The following CSGALNACT1 variants were observed in gnomAD, a reference collection of about 807,000 sequenced individuals.
CSGALNACT1 encodes the protein beta4GalNAcT-1.
Under a neutral mutation model 51.0 loss-of-function variants are expected in CSGALNACT1, and 52 were observed. The ratio of observed to expected loss-of-function variants is 1.02; its 90% confidence interval spans 0.82 to 1.29. CSGALNACT1 has a LOEUF of 1.29. CSGALNACT1 is among the 50% of genes most tolerant of loss of function. The pLI is 0.00. For missense variants in CSGALNACT1, 935 were observed against 679.2 expected (o/e 1.38, Z -4.19); for synonymous variants, 341 against 254.4 (o/e 1.34, Z -3.24).
At chr8:19,697,616 C>A (rs890099339) in intron 1 of CSGALNACT1, among the ~76,000 whole-genome samples, 1 of 152,076 alleles carries the variant, frequency 6.6e-6, no homozygotes. Context: ...GAGTGAGTAG[C>A]CCAGAGCCCC....
At chr8:19,717,527 G>T (rs1415320211) in intron 1 of CSGALNACT1, among the ~76,000 whole-genome samples, 1 of 152,212 alleles carries the variant, frequency 6.6e-6, no homozygotes, top group Non-Finnish European at 1.5e-5. Flanking sequence ...AATGAGTCAT[G>T]TATCTACCAC....
chr8:19,482,886 C>T (rs970445940), intron 4 of CSGALNACT1, among the ~76,000 whole-genome samples: 3 of 152,150 alleles, frequency 2.0e-5, no homozygotes, highest in African/African-American at 7.2e-5. Context: ...AAAGTCACCC[C>T]TACAACTAAG....
intron 1 of CSGALNACT1, among the ~76,000 whole-genome samples, chr8:19,667,409 C>A (rs1488688194): frequency 6.6e-6 from 1 of 152,176 alleles, no homozygotes; most frequent in East Asian, 1.9e-4. Flanking sequence ...GCACTCCAGC[C>A]TGAGCAATAG....
At chr8:19,654,253 A>T (rs2058072545) in intron 1 of CSGALNACT1, among the ~76,000 whole-genome samples, 1 of 152,152 alleles carries the variant, frequency 6.6e-6, no homozygotes, top group Admixed American at 6.5e-5. Flanking sequence ...ATGCTCAATC[A>T]CTTTCTTACA....
At chr8:19,408,959 C>T (rs1199804531) in intron 8 of CSGALNACT1, among the ~76,000 whole-genome samples, 1 of 151,654 alleles carries the variant, frequency 6.6e-6, no homozygotes, top group Admixed American at 6.6e-5. Flanking sequence ...AACACACACA[C>T]ACACACACAC....
chr8:19,717,689 A>C (rs750171269), intron 1 of CSGALNACT1, among the ~76,000 whole-genome samples: 7 of 152,114 alleles, frequency 4.6e-5, no homozygotes, highest in Non-Finnish European at 1.0e-4. Flanking sequence ...CCTGAATGGG[A>C]CTCAGTTTAA....
chr8:19,755,283 A>T (rs2065283247), intron 1 of CSGALNACT1, among the ~76,000 whole-genome samples: 1 of 152,060 alleles, frequency 6.6e-6, no homozygotes, highest in African/African-American at 2.4e-5. Context: ...TATTGCCCCA[A>T]AGTTTCAACT....
intron 6 of CSGALNACT1, among the ~76,000 whole-genome samples, chr8:19,436,193 C>T (rs76669937): frequency 1.3e-5 from 2 of 152,176 alleles, no homozygotes; most frequent in Non-Finnish European, 2.9e-5. Context: ...ATGCATTTAG[C>T]TGGATTTAAA....
At chr8:19,503,266 G>A (rs569785751) in intron 4 of CSGALNACT1, among the ~76,000 whole-genome samples, 1 of 152,238 alleles carries the variant, frequency 6.6e-6, no homozygotes, top group South Asian at 2.1e-4. Flanking sequence ...AAAAAGCTGT[G>A]TGCTGCCCAC....
intron 1 of CSGALNACT1, among the ~76,000 whole-genome samples, chr8:19,691,249 G>A (rs989483198): frequency 2.6e-5 from 4 of 152,148 alleles, no homozygotes; most frequent in African/African-American, 9.7e-5. Flanking sequence ...GGTCAAGCTG[G>A]GTTCCTGGGA....
chr8:19,633,506 G>A (rs548958704), intron 1 of CSGALNACT1, among the ~76,000 whole-genome samples: 3 of 152,310 alleles, frequency 2.0e-5, no homozygotes, highest in Admixed American at 6.5e-5. Flanking sequence ...GATAGGGCAG[G>A]TCCTTAATTC....
chr8:19,706,881 C>T (rs1219283029), intron 1 of CSGALNACT1, among the ~76,000 whole-genome samples: 1 of 152,104 alleles, frequency 6.6e-6, no homozygotes, highest in Admixed American at 6.5e-5. Context: ...CCCTGCCTGG[C>T]CTCCCAAAGT....
chr8:19,541,910 T>G (rs1031407341), intron 3 of CSGALNACT1, among the ~76,000 whole-genome samples: 2 of 152,164 alleles, frequency 1.3e-5, no homozygotes, highest in Non-Finnish European at 2.9e-5. Context: ...CAAATATTGC[T>G]CCTGGCAGTT....
At chr8:19,547,441 G>T (rs1407038756) in intron 3 of CSGALNACT1, among the ~76,000 whole-genome samples, 1 of 802 alleles carries the variant, frequency 1.2e-3, no homozygotes, top group African/African-American at 6.3e-3. Flanking sequence ...CTGAATCATG[G>T]GGGTGGTTTC....
rs142224300 is a variant in CSGALNACT1 at position 19,432,541 on chromosome 8, G to C, written c.953+7289C>G. Reference sequence around the variant, plus strand: ...AGGTGCCCTTCTCTATCCCCTTCTTGACTCCCATTATTCATATGTTTGTAT... The same window carrying C: ...AGGTGCCCTTCTCTATCCCCTTCTTCACTCCCATTATTCATATGTTTGTAT... On this transcript the variant is annotated intron_variant, in intron 6 of 9. Transcript: ENST00000454498. Among the ~76,000 whole-genome samples, 36 of 152,038 alleles carry C rather than the reference G, an allele frequency of 2.4e-4. No individual in the cohort carries two copies. In the East Asian group the frequency reaches 6.4e-3, roughly 27 times the overall value.
chr8:19,504,379 T>A (rs952834525), intron 4 of CSGALNACT1, among the ~76,000 whole-genome samples: 4 of 152,226 alleles, frequency 2.6e-5, no homozygotes, highest in South Asian at 2.1e-4. Flanking sequence ...CCCGGCCAGA[T>A]GAATTATATT....
intron 3 of CSGALNACT1, among the ~76,000 whole-genome samples, chr8:19,558,617 A>G (rs1257640184): frequency 1.3e-5 from 2 of 152,204 alleles, no homozygotes; most frequent in African/African-American, 4.8e-5. Context: ...TTTAAACTTA[A>G]AAGACTTATT....
intron 4 of CSGALNACT1, among the ~76,000 whole-genome samples, chr8:19,464,900 C>A (rs1161674323): frequency 6.6e-6 from 1 of 152,166 alleles, no homozygotes; most frequent in Admixed American, 6.5e-5. Context: ...CGGGAAGCAA[C>A]ATGGTGCAGC....
intron 3 of CSGALNACT1, chr8:19,587,736 C>T (rs879721517): frequency 1.3e-5 from 2 of 152,182 alleles, no homozygotes; most frequent in Non-Finnish European, 2.9e-5. Context: ...TGGTACTCTC[C>T]AACCTACGGG....
Sources: gnomAD v4.1 joint callset for allele counts (sites outside exome capture counted in the v4.1 genomes callset) on GRCh38, gnomAD v4.1.1 for gene constraint, MANE v1.5 for transcripts, NCBI Gene and HGNC (gene_info 2026-07-23, HGNC 2026-07-21) for gene names.